Variants in GLI2 observed in about 807,000 individuals in gnomAD.
GLI2 encodes the protein GLI family zinc finger 2, also known as transcription activator GLI2.
In GLI2, 22 loss-of-function variants were observed where a neutral mutation model predicts 78.9. The observed-to-expected ratio is 0.28, with a 90% confidence interval of 0.20 to 0.40. The LOEUF (loss-of-function observed/expected upper bound fraction) is 0.40, where lower values mean the gene tolerates loss of function less well. Among genes scored for constraint, GLI2 ranks in the 10% least tolerant of loss-of-function variants. GLI2 has a pLI of 1.00. For missense variants in GLI2, 2,097 were observed against 2,213.2 expected (o/e 0.95, Z 1.05); for synonymous variants, 974 against 963.7 (o/e 1.01, Z -0.20).
chr2:120,903,903 A>G (rs1452582147), intron 2 of GLI2, among the ~76,000 whole-genome samples: 1 of 152,108 alleles, frequency 6.6e-6, no homozygotes, highest in African/African-American at 2.4e-5. Context: ...GACTGTGGTG[A>G]CTTCACATGG....
intron 1 of GLI2, among the ~76,000 whole-genome samples, chr2:120,747,173 T>C (rs926658429): frequency 2.0e-5 from 3 of 152,216 alleles, no homozygotes; most frequent in Non-Finnish European, 4.4e-5. Context: ...TTGTTAGGCG[T>C]TAATGGAGTT....
intron 2 of GLI2, among the ~76,000 whole-genome samples, chr2:120,910,074 C>G (rs1204414054): frequency 6.6e-6 from 1 of 152,202 alleles, no homozygotes; most frequent in Non-Finnish European, 1.5e-5. Flanking sequence ...TCCCATTTCC[C>G]TCTGGGTCCC....
intron 5 of GLI2, 54 bp from the exon 6 acceptor site, chr2:120,968,660 C>T (rs1681976626): frequency 7.9e-7 from 1 of 1,268,864 alleles, no homozygotes; most frequent in Non-Finnish European, 1.2e-6. Flanking sequence ...CCACATGTCA[C>T]CCCCTCCCCC....
intron 3 of GLI2, among the ~76,000 whole-genome samples, chr2:120,935,414 A>G (rs1415108855): frequency 6.6e-6 from 1 of 152,190 alleles, no homozygotes; most frequent in African/African-American, 2.4e-5. Context: ...GGGTAGACCG[A>G]CTAGATGTGG....
At chr2:120,819,818 A>G (rs1685678833) in intron 2 of GLI2, among the ~76,000 whole-genome samples, 1 of 152,174 alleles carries the variant, frequency 6.6e-6, no homozygotes, top group African/African-American at 2.4e-5. Context: ...CAAGGACAGC[A>G]TCTTAGTGTG....
At chr2:120,755,348 A>T (rs1164818056) in intron 1 of GLI2, among the ~76,000 whole-genome samples, 1 of 152,200 alleles carries the variant, frequency 6.6e-6, no homozygotes, top group Non-Finnish European at 1.5e-5. Context: ...TTTCTTAATG[A>T]CTAGTGATGT....
At chr2:120,948,296 C>T (rs1034880744) in intron 3 of GLI2, among the ~76,000 whole-genome samples, 1 of 152,178 alleles carries the variant, frequency 6.6e-6, no homozygotes, top group Non-Finnish European at 1.5e-5. Flanking sequence ...ATGGGGGCTG[C>T]CATGAGGATA....
In GLI2 at chr2:120,783,199, C is replaced by T. The variant is rs187468262; in HGVS notation, c.-30-14092C>T. On this transcript the variant is annotated intron_variant, in intron 1 of 13. Coordinates refer to ENST00000361492, the MANE Select transcript of GLI2 (RefSeq NM_001374353.1). ...ATGACCTTGCCTAGCAGCCTCATGA[C>T]CAAGAGACACCTAAACCTGTGACCT... Among the ~76,000 whole-genome samples, 20 of 152,286 alleles carry T rather than the reference C, an allele frequency of 1.3e-4. No homozygotes were observed. The East Asian group carries it at 3.9e-3, about 29-fold the overall frequency.
At chr2:120,946,514 C>T (rs541608775) in intron 3 of GLI2, among the ~76,000 whole-genome samples, 2 of 152,340 alleles carry the variant, frequency 1.3e-5, no homozygotes, top group East Asian at 3.9e-4. Flanking sequence ...TGAAGGGCGT[C>T]TCTTTGAGTC....
intron 2 of GLI2, among the ~76,000 whole-genome samples, chr2:120,857,129 A>C (rs550691781): frequency 6.6e-6 from 1 of 152,100 alleles, no homozygotes; most frequent in Non-Finnish European, 1.5e-5. Context: ...GTGGATCTTA[A>C]CCTCTGAAGC....
At chr2:120,951,943 G>C (rs1681015440) in intron 4 of GLI2, among the ~76,000 whole-genome samples, 1 of 152,252 alleles carries the variant, frequency 6.6e-6, no homozygotes, top group South Asian at 2.1e-4. Context: ...ATGCCTGAGA[G>C]AGAACATTGA....
chr2:120,872,201 G>A (rs996156861), intron 2 of GLI2, among the ~76,000 whole-genome samples: 2 of 152,196 alleles, frequency 1.3e-5, no homozygotes, highest in Non-Finnish European at 2.9e-5. Context: ...GCAGAGGTGA[G>A]GTGGTAGATG....
chr2:120,743,869 G>A (rs1682622716), intron 1 of GLI2, among the ~76,000 whole-genome samples: 1 of 152,200 alleles, frequency 6.6e-6, no homozygotes, highest in Admixed American at 6.5e-5. Context: ...GGGTAGGGTG[G>A]GAAGATCAGA....
At chr2:120,949,690 G>A (rs551750246) in intron 3 of GLI2, among the ~76,000 whole-genome samples, 29 of 152,342 alleles carry the variant, frequency 1.9e-4, no homozygotes, top group African/African-American at 5.1e-4. Context: ...AAGCAGGTTC[G>A]TGGGATCTAC....
At chr2:120,893,614 G>C (rs1677787433) in intron 2 of GLI2, among the ~76,000 whole-genome samples, 1 of 150,894 alleles carries the variant, frequency 6.6e-6, no homozygotes, top group African/African-American at 2.4e-5. Context: ...GCAGTGTCTC[G>C]GGAGGAATTA....
intron 2 of GLI2, among the ~76,000 whole-genome samples, chr2:120,860,138 G>A (rs190056795): frequency 2.0e-5 from 3 of 152,330 alleles, no homozygotes; most frequent in African/African-American, 7.2e-5. Context: ...GGGGACCAAG[G>A]AGAGTGCATC....
intron 2 of GLI2, among the ~76,000 whole-genome samples, chr2:120,836,271 T>C (rs1686606412): frequency 6.6e-6 from 1 of 152,232 alleles, no homozygotes; most frequent in African/African-American, 2.4e-5. Flanking sequence ...TTACTTTATA[T>C]GTAAATGCCC....
chr2:120,987,240 G>T (rs931880099), intron 13 of GLI2, among the ~76,000 whole-genome samples: 1 of 152,122 alleles, frequency 6.6e-6, no homozygotes, highest in African/African-American at 2.4e-5. Flanking sequence ...GGATTGTGCC[G>T]GGCTGCCCAC....
At chr2:120,978,014 G>A (rs976619021) in intron 9 of GLI2, among the ~76,000 whole-genome samples, 5 of 152,218 alleles carry the variant, frequency 3.3e-5, no homozygotes, top group African/African-American at 1.2e-4. Context: ...CGTTTGCCTC[G>A]CTGCGGTTAG....
Sources: allele counts gnomAD v4.1 joint callset (sites outside exome capture counted in the v4.1 genomes callset), GRCh38; gene constraint gnomAD v4.1.1; transcripts MANE v1.5; gene names NCBI Gene and HGNC (gene_info 2026-07-23, HGNC 2026-07-21).